Variants in AK8 observed in about 807,000 individuals in gnomAD.
AK8 encodes ATP-AMP transphosphorylase 8.
A neutral mutation model predicts 54.6 loss-of-function variants in AK8; 44 were observed. That is an observed-to-expected ratio of 0.81 (90% CI 0.63 to 1.04). AK8 has a LOEUF of 1.04. Among genes scored for constraint, AK8 ranks in the 50% least tolerant of loss-of-function variants. The pLI is 0.00. For synonymous variants in AK8, 239 were observed against 245.6 expected (o/e 0.97, Z 0.25); for missense variants, 555 against 613.6 (o/e 0.90, Z 1.01).
chr9:132,870,060 G>C (rs1252281470), intron 2 of AK8, among the ~76,000 whole-genome samples: 2 of 152,168 alleles, frequency 1.3e-5, no homozygotes, highest in African/African-American at 4.8e-5. Context: ...GGGAGATGCA[G>C]CTCGGCAAGG....
At chr9:132,806,220 G>A (rs1840720816) in intron 10 of AK8, among the ~76,000 whole-genome samples, 1 of 151,832 alleles carries the variant, frequency 6.6e-6, no homozygotes, top group South Asian at 2.1e-4. Context: ...TAAACTCGAC[G>A]GATTCAAACT....
At chr9:132,726,015 G>A in intron 12 of AK8, 90 bp from the exon 13 acceptor site, 1 of 1,165,166 alleles carries the variant, frequency 8.6e-7, no homozygotes, top group Non-Finnish European at 1.2e-6. Context: ...GACCAATTTG[G>A]GGTGTCCTGG....
At chr9:132,823,412 G>A in intron 8 of AK8, 76 bp from the exon 9 acceptor site, 2 of 1,586,542 alleles carry the variant, frequency 1.3e-6, no homozygotes. Context: ...CCTCTGCTTT[G>A]ACTCTTTTAA....
chr9:132,790,167 T>C lies in AK8; in HGVS notation c.1121+2467A>G, dbSNP rs1839886003. ...ATATTAACATAATTTATAATACCAA[T>C]GTGTCAAAAAGGAAAAACAATTTTA... is the stretch of plus-strand genomic sequence containing the variant. On this transcript the variant is annotated intron_variant, in intron 11 of 12. Coordinates refer to ENST00000298545, the MANE Select transcript of AK8 (RefSeq NM_152572.3). The surrounding 1 kb of genome is among the most constrained non-coding windows in gnomAD (Gnocchi z 4.1). Among the ~76,000 whole-genome samples the C allele has an allele frequency of 6.6e-6, 1 of 152,056 alleles. No homozygotes were observed. The highest frequency in any genetic ancestry group is 2.4e-5 in the African/African-American group (1 of 41,398).
chr9:132,761,082 T>C (rs1349996986), intron 11 of AK8, among the ~76,000 whole-genome samples: 1 of 152,148 alleles, frequency 6.6e-6, no homozygotes, highest in Non-Finnish European at 1.5e-5. Context: ...TTTCTTTTTC[T>C]GTTTTCTGAA....
intron 5 of AK8, among the ~76,000 whole-genome samples, chr9:132,849,327 G>A (rs1384668058): frequency 6.6e-5 from 10 of 152,208 alleles, no homozygotes. Context: ...AATCTGGCCT[G>A]CTGCCTGCTT....
Position 132,727,134 on chromosome 9 carries a change from A to G in AK8, c.1202+320T>C, listed in dbSNP as rs533498239. Among the ~76,000 whole-genome samples the G allele has an allele frequency of 3.9e-5, 6 of 152,254 alleles. No homozygotes were observed. The East Asian group carries it at 9.6e-4, about 24-fold the overall frequency. ...CTGGGATGCATCGTGGCTCAAGGAA[A>G]GGCCAGTGAGGAAACAGGTGACGCC... is the stretch of plus-strand genomic sequence containing the variant. On this transcript the variant is annotated intron_variant, in intron 12 of 12. Transcript: ENST00000298545.
At chr9:132,858,664 C>T (rs545871323) in intron 4 of AK8, among the ~76,000 whole-genome samples, 1 of 152,318 alleles carries the variant, frequency 6.6e-6, no homozygotes, top group East Asian at 1.9e-4. Context: ...ACTGACAGAA[C>T]ATCCTTTAGA....
intron 11 of AK8, among the ~76,000 whole-genome samples, chr9:132,771,264 C>G (rs953155831): frequency 6.6e-6 from 1 of 152,172 alleles, no homozygotes; most frequent in South Asian, 2.1e-4. Context: ...CAGCCCAGGG[C>G]CTGGCCCTCC....
At chr9:132,817,678 GA>G (rs1329270125) in intron 9 of AK8, among the ~76,000 whole-genome samples, 1 of 152,168 alleles carries the variant, frequency 6.6e-6, no homozygotes, top group African/African-American at 2.4e-5. Flanking sequence ...CTGCAGCAAA[GA>G]GGGGGATGGG....
chr9:132,763,205 T>C (rs1261225480), intron 11 of AK8, among the ~76,000 whole-genome samples: 4 of 152,282 alleles, frequency 2.6e-5, no homozygotes, highest in Admixed American at 1.3e-4. Flanking sequence ...TGCCTTGCTT[T>C]TGGGGGAAAG....
chr9:132,780,506 C>T (rs115718034), intron 11 of AK8, among the ~76,000 whole-genome samples: 3,637 of 152,270 alleles, frequency 0.024, 141 homozygotes, highest in African/African-American at 0.083. Context: ...GAGCCATATG[C>T]AATGAGAAGA....
intron 11 of AK8, among the ~76,000 whole-genome samples, chr9:132,730,049 A>G (rs1469337435): frequency 6.6e-6 from 1 of 152,190 alleles, no homozygotes; most frequent in East Asian, 1.9e-4. Flanking sequence ...GCGTCATGTT[A>G]GGCGGGACTA....
At position 132,809,537 on chromosome 9, in the gene AK8, G is replaced by A. The variant is rs569012835; in HGVS notation, c.979+5101C>T. On this transcript the variant is annotated intron_variant, in intron 10 of 12. Transcript: ENST00000298545. ...CCTCCACTCAGTCAGGGCTCTTCCT[G>A]GGGCAAGCGTGGGGGCCCATCTCCC... Among the ~76,000 whole-genome samples, 59 of 152,300 alleles carry A rather than the reference G, an allele frequency of 3.9e-4. No homozygotes were observed. In the South Asian group the frequency reaches 0.011, roughly 29 times the overall value.
chr9:132,840,403 C>T (rs1337495203), intron 5 of AK8, among the ~76,000 whole-genome samples: 2 of 90,014 alleles, frequency 2.2e-5, no homozygotes, highest in African/African-American at 4.1e-5. Context: ...CCCAAGTGGA[C>T]ACTCACACAC....
rs1836520682 is a variant in AK8, at chr9:132,725,643, G to C, written c.*45C>G. On this transcript the variant is annotated 3_prime_UTR_variant, in exon 13 of 13. Coordinates refer to ENST00000298545, the MANE Select transcript of AK8 (RefSeq NM_152572.3). ...GCCGAGGCTGGGGGGCTGGGGGCAG[G>C]GGATTAACTCTTTCCCTGGGGCAGC... 6.6e-7 allele frequency: 1 copy of C among 1,506,704 alleles called. No homozygotes were observed. Among genetic ancestry groups the C allele is most frequent in the African/African-American group, 1.4e-5 (1 of 73,178 alleles). 93.3% of individuals were successfully genotyped at this position (1,506,704 alleles called of 1,614,324 possible).
intron 3 of AK8, among the ~76,000 whole-genome samples, chr9:132,865,936 G>A (rs1843577156): frequency 6.6e-6 from 1 of 152,142 alleles, no homozygotes; most frequent in Non-Finnish European, 1.5e-5. Flanking sequence ...GGTGGCTCAC[G>A]TCTGTAATCC....
intron 1 of AK8, among the ~76,000 whole-genome samples, chr9:132,877,248 C>T (rs1372088319): frequency 6.6e-6 from 1 of 152,214 alleles, no homozygotes; most frequent in Non-Finnish European, 1.5e-5. Context: ...GAATCTCTTG[C>T]TCTCCCTCTA....
rs1270488816 is a variant in AK8 at position 132,878,046 on chromosome 9, C to T, written c.84+126G>A. ...CACGGCGACACACGAATCGTACATCCCGAGTTGGGCTGCTTCGTGGGCGCG... is the reference window on the plus strand; with the variant it reads ...CACGGCGACACACGAATCGTACATCTCGAGTTGGGCTGCTTCGTGGGCGCG... On this transcript the variant is annotated intron_variant, in intron 1 of 12. Coordinates refer to ENST00000298545, the MANE Select transcript of AK8 (RefSeq NM_152572.3). This position sits in a 1 kb window ranked among gnomAD's most constrained non-coding sequence, Gnocchi z 4.7. 1 of 1,537,838 alleles carries T rather than the reference C, an allele frequency of 6.5e-7. No homozygotes were observed. Among genetic ancestry groups the T allele is most frequent in the African/African-American group, 1.4e-5 (1 of 72,624 alleles).
Sources: gnomAD v4.1 joint callset for allele counts (sites outside exome capture counted in the v4.1 genomes callset) on GRCh38, gnomAD v4.1.1 for gene constraint, Gnocchi (gnomAD v3.1) non-coding constraint, MANE v1.5 for transcripts, NCBI Gene and HGNC (gene_info 2026-07-23, HGNC 2026-07-21) for gene names.